NBEA: variants seen among roughly 807,000 people sequenced by gnomAD.
The protein encoded by NBEA is lysosomal-trafficking regulator 2.
In NBEA, 44 loss-of-function variants were observed where a neutral mutation model predicts 343.4. That is an observed-to-expected ratio of 0.13 (90% confidence interval 0.10 to 0.16). The LOEUF (loss-of-function observed/expected upper bound fraction) is 0.16. NBEA is among the 10% of genes least tolerant of loss of function. The pLI is 1.00. For synonymous variants in NBEA, 1,175 were observed against 1,238.7 expected (o/e 0.95, Z 1.08); for missense variants, 2,555 against 3,631.3 (o/e 0.70, Z 7.62).
chr13:35,348,738 G>T (rs1002104133), intron 36 of NBEA, among the ~76,000 whole-genome samples: 4 of 152,006 alleles, frequency 2.6e-5, no homozygotes, highest in African/African-American at 9.7e-5. Context: ...AATCTAGTCT[G>T]TTGATTTCCT....
chr13:35,120,831 A>G (rs2066754861), intron 16 of NBEA, among the ~76,000 whole-genome samples: 1 of 152,190 alleles, frequency 6.6e-6, no homozygotes, highest in African/African-American at 2.4e-5. Flanking sequence ...ATGTATTAGG[A>G]TTATTGTTAT....
intron 38 of NBEA, among the ~76,000 whole-genome samples, chr13:35,369,286 A>G (rs2041300403): frequency 6.7e-6 from 1 of 149,882 alleles, no homozygotes; most frequent in African/African-American, 2.5e-5. Flanking sequence ...CTGTTTTTAT[A>G]CCAATACCAT....
At chr13:34,947,889 A>G (rs1445208983) in intron 1 of NBEA, among the ~76,000 whole-genome samples, 2 of 152,174 alleles carry the variant, frequency 1.3e-5, no homozygotes, top group Non-Finnish European at 2.9e-5. Context: ...TATGTGTTCA[A>G]TGTGTATGAT....
chr13:35,286,709 G>T (rs1298129464), intron 34 of NBEA, among the ~76,000 whole-genome samples: 1 of 152,060 alleles, frequency 6.6e-6, no homozygotes, highest in Non-Finnish European at 1.5e-5. Flanking sequence ...CAAAGGCCAA[G>T]CTTCTAACTT....
chr13:35,266,962 T>C (rs1233975168), intron 34 of NBEA, among the ~76,000 whole-genome samples: 2 of 151,980 alleles, frequency 1.3e-5, no homozygotes, highest in Non-Finnish European at 2.9e-5. Flanking sequence ...TATGTTAATA[T>C]GTACTGTATT....
At chr13:35,149,799 CATAAT>C (rs2068659134) in intron 18 of NBEA, among the ~76,000 whole-genome samples, 1 of 152,126 alleles carries the variant, frequency 6.6e-6, no homozygotes, top group African/African-American at 2.4e-5. Flanking sequence ...AGCATAATAA[CATAAT>C]ATGTTGAATT....
chr13:35,367,946 G>A (rs143366502), intron 38 of NBEA, among the ~76,000 whole-genome samples: 1 of 151,416 alleles, frequency 6.6e-6, no homozygotes, highest in South Asian at 2.1e-4. Flanking sequence ...AACTGATTTA[G>A]GATCAGTAAT....
At chr13:35,506,812 T>G (rs573973192) in intron 41 of NBEA, among the ~76,000 whole-genome samples, 4 of 152,262 alleles carry the variant, frequency 2.6e-5, no homozygotes, top group African/African-American at 9.6e-5. Context: ...AAACCATTTC[T>G]CAAATTATAG....
intron 35 of NBEA, among the ~76,000 whole-genome samples, chr13:35,290,714 C>T (rs2035752326): frequency 6.6e-6 from 1 of 150,530 alleles, no homozygotes; most frequent in Admixed American, 6.7e-5. Flanking sequence ...TCCATTGTTT[C>T]CTATCATATA....
rs898707235 is a variant in NBEA, at chr13:35,189,708, G to A, written c.4927+5637G>A. 2.6e-5 allele frequency among the ~76,000 whole-genome samples: 4 copies of A among 151,946 alleles called. No individual in the cohort carries two copies. The East Asian group carries it at 7.7e-4, about 29-fold the overall frequency. Reference sequence around the variant, plus strand: ...ACTTGTAAGTGGAACTTCGGGAAGAGCAAAGTAAGAACCTCCAAAATACTG... The same window carrying A: ...ACTTGTAAGTGGAACTTCGGGAAGAACAAAGTAAGAACCTCCAAAATACTG... On this transcript the variant is annotated intron_variant, in intron 30 of 58. Coordinates refer to ENST00000379939, the MANE Select transcript of NBEA (RefSeq NM_001385012.1).
At chr13:35,157,627 A>T (rs942814175) in intron 21 of NBEA, among the ~76,000 whole-genome samples, 3 of 152,024 alleles carry the variant, frequency 2.0e-5, no homozygotes, top group African/African-American at 7.2e-5. Flanking sequence ...TTTTTTTAAG[A>T]AGTCAGATTT....
chr13:34,956,370 TTGAAAGTCAG>T (rs1264000795), intron 1 of NBEA, among the ~76,000 whole-genome samples: 3 of 151,844 alleles, frequency 2.0e-5, no homozygotes, highest in African/African-American at 7.2e-5. Flanking sequence ...AACAATGGTT[TTGAAAGTCAG>T]TGAAAGTTGT....
intron 49 of NBEA, among the ~76,000 whole-genome samples, chr13:35,641,856 C>T (rs1386398892): frequency 6.6e-6 from 1 of 152,040 alleles, no homozygotes; most frequent in African/African-American, 2.4e-5. Flanking sequence ...ATACATTCAT[C>T]AAGCTGTACA....
intron 41 of NBEA, among the ~76,000 whole-genome samples, chr13:35,493,140 GA>G (rs992717130): frequency 6.6e-6 from 1 of 151,876 alleles, no homozygotes; most frequent in Non-Finnish European, 1.5e-5. Flanking sequence ...TTTGGGGAAA[GA>G]AGACCCATGA....
chr13:34,971,288 G>A (rs1478890245), intron 1 of NBEA, among the ~76,000 whole-genome samples: 1 of 151,990 alleles, frequency 6.6e-6, no homozygotes, highest in Non-Finnish European at 1.5e-5. Context: ...AAGATGATGG[G>A]GTTTTCTAGA....
At chr13:35,013,135 T>G (rs2061540772) in intron 1 of NBEA, among the ~76,000 whole-genome samples, 1 of 152,220 alleles carries the variant, frequency 6.6e-6, no homozygotes, top group Admixed American at 6.5e-5. Flanking sequence ...ACTTGCTTAA[T>G]AGATATATAA....
intron 7 of NBEA, 97 bp downstream of exon 7, chr13:35,056,226 T>A: frequency 9.5e-7 from 1 of 1,055,026 alleles, no homozygotes; most frequent in Non-Finnish European, 1.2e-6. Context: ...GGTAGAAGCT[T>A]AAAACTTTGA....
In NBEA at chr13:35,117,540, AG is replaced by A. The variant is rs753686138; in HGVS notation, c.2082+49del. On this transcript the variant is annotated intron_variant, in intron 14 of 58. Coordinates refer to ENST00000379939, the MANE Select transcript of NBEA (RefSeq NM_001385012.1). Reference sequence around the variant, plus strand: ...TAAAATAATAGTATATTAGGTAGAAAGGAATTTCTGGCATGTTTTAAAATTA... The same window carrying A: ...TAAAATAATAGTATATTAGGTAGAAAGAATTTCTGGCATGTTTTAAAATTA... 6 of 944,248 alleles carry A rather than the reference AG, an allele frequency of 6.4e-6. No individual in the cohort carries two copies. The African/African-American group carries it at 8.7e-5, about 14-fold the overall frequency. The allele number at this position is 944,248 out of a possible 1,614,324, so 58.5% of individuals were successfully genotyped here. A position where few individuals can be genotyped will look rare whatever the true frequency, so the allele number is the denominator to read the frequency against.
chr13:35,660,481 A>G (rs952362221), intron 55 of NBEA, among the ~76,000 whole-genome samples: 1 of 152,208 alleles, frequency 6.6e-6, no homozygotes, highest in Non-Finnish European at 1.5e-5. Flanking sequence ...TTTTAAAAAT[A>G]AGTATTTTAG....
Sources: gnomAD v4.1 joint callset for allele counts (sites outside exome capture counted in the v4.1 genomes callset) on GRCh38, gnomAD v4.1.1 for gene constraint, MANE v1.5 for transcripts, NCBI Gene and HGNC (gene_info 2026-07-23, HGNC 2026-07-21) for gene names.